Variants in AMBRA1 observed in about 807,000 individuals in gnomAD.
The protein encoded by AMBRA1 is autophagy and beclin 1 regulator 1, also known as activating molecule in BECN1-regulated autophagy protein 1.
A neutral mutation model predicts 125.4 loss-of-function variants in AMBRA1; 47 were observed. That is an observed-to-expected ratio of 0.37 (90% CI 0.30 to 0.48). AMBRA1 has a LOEUF of 0.48. AMBRA1 is among the 20% of genes least tolerant of loss of function. The pLI is 0.99. For missense variants in AMBRA1, 1,331 were observed against 1,693.4 expected (o/e 0.79, Z 3.76); for synonymous variants, 626 against 655.5 (o/e 0.95, Z 0.69).
chr11:46,505,179 A>C, intron 9 of AMBRA1, among the ~76,000 whole-genome samples: 1 of 152,220 alleles, frequency 6.6e-6, no homozygotes, highest in Non-Finnish European at 1.5e-5. Context: ...AAAAATATAA[A>C]TCGTGACTGC....
intron 17 of AMBRA1, among the ~76,000 whole-genome samples, chr11:46,398,228 C>A (rs1945551095): frequency 6.6e-6 from 1 of 152,230 alleles, no homozygotes; most frequent in Admixed American, 6.5e-5. Flanking sequence ...TCAATGAGTT[C>A]TCTCAGCACC....
intron 1 of AMBRA1, among the ~76,000 whole-genome samples, chr11:46,590,381 C>A (rs1313909323): frequency 6.6e-6 from 1 of 151,674 alleles, no homozygotes; most frequent in African/African-American, 2.4e-5. Context: ...GGTGCATGCA[C>A]CTGTAGTTCC....
At chr11:46,510,752 G>A (rs1213937061) in intron 8 of AMBRA1, among the ~76,000 whole-genome samples, 1 of 152,120 alleles carries the variant, frequency 6.6e-6, no homozygotes. Flanking sequence ...GATATGCAGA[G>A]GGAAGCTAAG....
intron 1 of AMBRA1, among the ~76,000 whole-genome samples, chr11:46,549,650 T>C (rs1445972125): frequency 6.6e-6 from 1 of 152,156 alleles, no homozygotes; most frequent in Non-Finnish European, 1.5e-5. Context: ...ATTTTCCCCA[T>C]TGTCCAAAAA....
chr11:46,447,448 T>C (rs1181799926), intron 11 of AMBRA1, among the ~76,000 whole-genome samples: 2 of 152,126 alleles, frequency 1.3e-5, no homozygotes, highest in East Asian at 1.9e-4. Context: ...GGCATGAGAA[T>C]TGCTTGAACC....
chr11:46,525,327 C>T (rs1352627228), intron 7 of AMBRA1, among the ~76,000 whole-genome samples: 3 of 151,930 alleles, frequency 2.0e-5, no homozygotes, highest in Non-Finnish European at 2.9e-5. Flanking sequence ...ATAGGCCAGG[C>T]GCGGTGGCTC....
At chr11:46,573,857 T>G (rs1430093502) in intron 1 of AMBRA1, among the ~76,000 whole-genome samples, 1 of 122,966 alleles carries the variant, frequency 8.1e-6, no homozygotes, top group African/African-American at 3.1e-5. Context: ...GATATTCCCC[T>G]TCCTGTGTCC....
chr11:46,418,552 C>A (rs1384482065), intron 14 of AMBRA1, among the ~76,000 whole-genome samples: 1 of 151,692 alleles, frequency 6.6e-6, no homozygotes, highest in African/African-American at 2.4e-5. Context: ...CCTCCCCACT[C>A]CCCCTACCCC....
chr11:46,515,744 T>C (rs1333736246), intron 7 of AMBRA1, among the ~76,000 whole-genome samples: 1 of 152,040 alleles, frequency 6.6e-6, no homozygotes, highest in Non-Finnish European at 1.5e-5. Context: ...GGCGCAATCT[T>C]GGCTCACTGC....
chr11:46,577,229 G>A (rs1186041685), intron 1 of AMBRA1, among the ~76,000 whole-genome samples: 1 of 152,164 alleles, frequency 6.6e-6, no homozygotes, highest in Non-Finnish European at 1.5e-5. Context: ...ATGGATGAAT[G>A]GATAAACAAA....
intron 11 of AMBRA1, among the ~76,000 whole-genome samples, chr11:46,467,846 C>T (rs778939377): frequency 4.6e-5 from 7 of 152,074 alleles, no homozygotes; most frequent in Non-Finnish European, 7.4e-5. Flanking sequence ...TAGAAGAGAT[C>T]TGGGAGAGAG....
intron 7 of AMBRA1, among the ~76,000 whole-genome samples, chr11:46,521,241 C>G (rs1316106905): frequency 1.3e-5 from 2 of 152,260 alleles, no homozygotes; most frequent in Non-Finnish European, 2.9e-5. Flanking sequence ...TTCATCCCCT[C>G]TGGTCACTTA....
intron 12 of AMBRA1, among the ~76,000 whole-genome samples, chr11:46,436,103 T>C (rs531316568): frequency 6.6e-6 from 1 of 152,332 alleles, no homozygotes; most frequent in South Asian, 2.1e-4. Context: ...TTGAAGGAGA[T>C]GTCCACTGTC....
At position 46,397,946 on chromosome 11, in the gene AMBRA1, G is replaced by A. The variant is rs756586927; in HGVS notation, c.3404-3C>T. 1.9e-6 allele frequency: 3 copies of A among 1,585,526 alleles called. No homozygotes were observed. Among genetic ancestry groups the A allele is most frequent in the Admixed American group, 1.7e-5 (1 of 59,612 alleles). ...GGCACCATACTCTGAACCCTCACCT[G>A]GCAGATACAAAGCAGAAGAGAGAGC... On this transcript the variant is annotated splice_region_variant and splice_polypyrimidine_tract_variant and intron_variant, in intron 17 of 17. Transcript: ENST00000683756.
chr11:46,545,413 G>A (rs1195109142), intron 5 of AMBRA1, among the ~76,000 whole-genome samples, 191 bp downstream of exon 5: 2 of 152,048 alleles, frequency 1.3e-5, no homozygotes, highest in Non-Finnish European at 2.9e-5. Flanking sequence ...AGTGAGACAA[G>A]ACTGCGCCAC....
At chr11:46,571,851 A>G (rs990394652) in intron 1 of AMBRA1, among the ~76,000 whole-genome samples, 3 of 151,510 alleles carry the variant, frequency 2.0e-5, no homozygotes, top group African/African-American at 7.3e-5. Context: ...CACCACGCCC[A>G]GCTAATTTTT....
chr11:46,417,853 C>T (rs1340738664), intron 15 of AMBRA1, 60 bp downstream of exon 15: 3 of 1,508,390 alleles, frequency 2.0e-6, no homozygotes, highest in East Asian at 2.4e-5. Context: ...TTGGTGAATA[C>T]TGATTACCCC....
intron 1 of AMBRA1, among the ~76,000 whole-genome samples, chr11:46,569,438 A>ATATATATATAT (rs1320055263): frequency 1.0e-4 from 14 of 134,238 alleles, no homozygotes; most frequent in Non-Finnish European, 1.4e-4. Context: ...TAAAAAAAAA[A>ATATATATATAT]AAATATATAT....
intron 15 of AMBRA1, among the ~76,000 whole-genome samples, chr11:46,413,012 G>A (rs961604434): frequency 6.6e-6 from 1 of 152,192 alleles, no homozygotes; most frequent in African/African-American, 2.4e-5. Context: ...GCCAGGGCTG[G>A]TTAGTGACAA....
Sources: allele counts gnomAD v4.1 joint callset (sites outside exome capture counted in the v4.1 genomes callset), GRCh38; gene constraint gnomAD v4.1.1; transcripts MANE v1.5; gene names NCBI Gene and HGNC (gene_info 2026-07-23, HGNC 2026-07-21).